Variants in CCDC192 observed in about 807,000 individuals in gnomAD.
CCDC192 encodes coiled-coil domain-containing protein 192.
intron 1 of CCDC192, 69 bp from the exon 2 acceptor site, chr5:127,707,640 G>A (rs1358150970): frequency 1.0e-5 from 4 of 396,668 alleles, no homozygotes; most frequent in East Asian, 3.6e-5. Flanking sequence ...TTGTATGTGC[G>A]GGGGTGTGTG....
intron 5 of CCDC192, among the ~76,000 whole-genome samples, chr5:127,868,827 C>T (rs1262276449): frequency 6.6e-6 from 1 of 151,850 alleles, no homozygotes; most frequent in Non-Finnish European, 1.5e-5. Context: ...CTTATCAAAA[C>T]TCCCCACAAT....
chr5:127,929,141 T>C (rs1240582814), intron 6 of CCDC192, among the ~76,000 whole-genome samples: 4 of 152,228 alleles, frequency 2.6e-5, no homozygotes, highest in African/African-American at 9.6e-5. Context: ...ATGATCCCAC[T>C]TGGCTGGTAC....
intron 6 of CCDC192, among the ~76,000 whole-genome samples, chr5:127,922,169 A>G (rs1244416331): frequency 6.6e-6 from 1 of 152,196 alleles, no homozygotes; most frequent in Non-Finnish European, 1.5e-5. Context: ...CCAGCTTCTT[A>G]TTCTGCTTAG....
chr5:127,819,879 A>G lies in CCDC192; in HGVS notation c.411+21717A>G, dbSNP rs549401236. ...TGCACAAATGAATAGTCCATGGTCT[A>G]TAAGGTGCTTGCACTTGCACAGGCA... is the stretch of plus-strand genomic sequence containing the variant. On this transcript the variant is annotated intron_variant, in intron 5 of 6. Coordinates refer to ENST00000514853, the MANE Select transcript of CCDC192 (RefSeq NM_001317938.2). Among the ~76,000 whole-genome samples the G allele has an allele frequency of 7.2e-5, 11 of 152,330 alleles. No homozygotes were observed. In the South Asian group the frequency reaches 2.1e-3, roughly 29 times the overall value.
chr5:127,876,811 C>T (rs560213694), intron 6 of CCDC192, among the ~76,000 whole-genome samples: 7 of 152,250 alleles, frequency 4.6e-5, no homozygotes, highest in Admixed American at 3.3e-4. Flanking sequence ...TAAAGCTTTT[C>T]ATGTGAATTT....
rs996588452 is a variant in CCDC192, at chr5:127,926,739, G to A, written c.536-14443G>A. ...AGTTCAGAGTCTAGAGCTCAGGTCC[G>A]ACCTAGAGTTGTAAATTTGGCATTA... On this transcript the variant is annotated intron_variant, in intron 6 of 6. Transcript: ENST00000514853. Among the ~76,000 whole-genome samples the A allele has an allele frequency of 5.3e-5, 8 of 152,200 alleles. No homozygotes were observed. In the South Asian group the frequency reaches 1.0e-3, roughly 20 times the overall value.
rs71575704 is a variant in CCDC192 at position 127,719,506 on chromosome 5, C to CATAT, written c.114+11762_114+11765dup. Among the ~76,000 whole-genome samples, 24 of 124,410 alleles carry CATAT rather than the reference C, an allele frequency of 1.9e-4. 1 individual carries two copies. Among genetic ancestry groups the CATAT allele is most frequent in the South Asian group, 1.3e-3 (5 of 3,998 alleles). 81.6% of individuals were successfully genotyped at this position (124,410 alleles called of 152,430 possible). On this transcript the variant is annotated intron_variant, in intron 2 of 6. Coordinates refer to ENST00000514853, the MANE Select transcript of CCDC192 (RefSeq NM_001317938.2). ...ATATATATATATATACACACACATA[C>CATAT]ATATATATATATATATATACACACA...
intron 5 of CCDC192, among the ~76,000 whole-genome samples, chr5:127,806,679 G>T (rs1172586957): frequency 6.6e-6 from 1 of 152,034 alleles, no homozygotes; most frequent in East Asian, 1.9e-4. Context: ...TGGGAACAAT[G>T]TAAGACAGTC....
chr5:127,711,458 T>C (rs1751333792), intron 2 of CCDC192, among the ~76,000 whole-genome samples: 1 of 152,226 alleles, frequency 6.6e-6, no homozygotes, highest in Non-Finnish European at 1.5e-5. Flanking sequence ...AAACATATTA[T>C]ATTTGATAAG....
intron 5 of CCDC192, among the ~76,000 whole-genome samples, chr5:127,861,763 C>T (rs556246257): frequency 6.6e-6 from 1 of 152,040 alleles, no homozygotes; most frequent in Non-Finnish European, 1.5e-5. Flanking sequence ...TGTATGTAAA[C>T]CCTGAGGTGA....
chr5:127,832,740 C>T (rs1749859047), intron 5 of CCDC192, among the ~76,000 whole-genome samples: 1 of 152,084 alleles, frequency 6.6e-6, no homozygotes, highest in Non-Finnish European at 1.5e-5. Flanking sequence ...AACCAAATCA[C>T]CAAAACCCAA....
intron 2 of CCDC192, among the ~76,000 whole-genome samples, chr5:127,733,058 T>A (rs1337292952): frequency 6.6e-6 from 1 of 152,202 alleles, no homozygotes; most frequent in South Asian, 2.1e-4. Context: ...ATGGAACAGA[T>A]CAATTAAAAA....
At chr5:127,786,019 A>C in intron 3 of CCDC192, 1 of 606,258 alleles carries the variant, frequency 1.6e-6, no homozygotes. Context: ...CTGATTATGA[A>C]TCTGTGTCTC....
intron 6 of CCDC192, among the ~76,000 whole-genome samples, chr5:127,914,094 T>C (rs1431501993): frequency 2.6e-5 from 4 of 152,184 alleles, no homozygotes; most frequent in Admixed American, 2.0e-4. Context: ...TTGGAAATTA[T>C]AGCAGAGAGA....
chr5:127,786,900 T>C, intron 3 of CCDC192: 1 of 432,418 alleles, frequency 2.3e-6, no homozygotes, highest in Non-Finnish European at 4.4e-6. Context: ...GTTATGAACA[T>C]GAGTGTGGAG....
intron 2 of CCDC192, among the ~76,000 whole-genome samples, chr5:127,714,596 C>T (rs1235072378): frequency 6.6e-6 from 1 of 152,110 alleles, no homozygotes; most frequent in East Asian, 1.9e-4. Context: ...GTTTCAACTC[C>T]TGACCTCAAG....
intron 6 of CCDC192, among the ~76,000 whole-genome samples, chr5:127,884,342 C>CAAAAAA (rs778430655): frequency 0.012 from 147 of 11,840 alleles, 10 homozygotes; most frequent in East Asian, 0.031. Context: ...GACTCCGTCT[C>CAAAAAA]AAAAAAAAAA....
chr5:127,830,874 T>C (rs967297812), intron 5 of CCDC192, among the ~76,000 whole-genome samples: 1 of 152,056 alleles, frequency 6.6e-6, no homozygotes. Context: ...AAAATTTAAA[T>C]TTATCTAAAC....
intron 2 of CCDC192, among the ~76,000 whole-genome samples, chr5:127,737,834 G>C (rs1753116133): frequency 6.6e-6 from 1 of 152,106 alleles, no homozygotes; most frequent in South Asian, 2.1e-4. Context: ...CTCTGCACGT[G>C]AGATGGGTTT....
Sources: gnomAD v4.1 joint callset for allele counts (sites outside exome capture counted in the v4.1 genomes callset) on GRCh38, gnomAD v4.1.1 for gene constraint, MANE v1.5 for transcripts, NCBI Gene and HGNC (gene_info 2026-07-23, HGNC 2026-07-21) for gene names.